Variants in GRM7 observed in about 807,000 individuals in gnomAD.
The protein encoded by GRM7 is glutamate metabotropic receptor 7.
A neutral mutation model predicts 84.5 loss-of-function variants in GRM7; 35 were observed. That is an observed-to-expected ratio of 0.41 (90% CI 0.32 to 0.55). GRM7 has a LOEUF of 0.55. Ranked by LOEUF, GRM7 falls within the 20% of genes least tolerant of loss-of-function variation. The pLI is 0.19. For missense variants in GRM7, 1,003 were observed against 1,194.6 expected, an observed-to-expected ratio of 0.84 and a Z score of 2.36; for synonymous variants, 487 against 455.1, an observed-to-expected ratio of 1.07 and a Z score of -0.89.
At position 6,862,728 on chromosome 3, in the gene GRM7, C is replaced by CCA. The variant is rs886427798; in HGVS notation, c.519+822_519+823insAC. ...CTCCCTGCCTCCTCCCTCCTCCCCCCCGCCCCCCTCACCCACTATCTCCCT... is the reference window on the plus strand; with the variant it reads ...CTCCCTGCCTCCTCCCTCCTCCCCCCCACGCCCCCCTCACCCACTATCTCCCT... On this transcript the variant is annotated intron_variant, in intron 1 of 9. Coordinates refer to ENST00000357716, the MANE Select transcript of GRM7 (RefSeq NM_000844.4). This position sits in a 1 kb window ranked among gnomAD's most constrained non-coding sequence, Gnocchi z 5.2. 5 of 174,040 alleles carry CCA rather than the reference C, an allele frequency of 2.9e-5. No individual in the cohort carries two copies. The highest frequency in any genetic ancestry group is 2.6e-4 in the African/African-American group (5 of 19,266). 10.8% of individuals were successfully genotyped at this position (174,040 alleles called of 1,614,324 possible).
At chr3:7,653,968 C>T (rs1378045667) in intron 8 of GRM7, among the ~76,000 whole-genome samples, 1 of 152,124 alleles carries the variant, frequency 6.6e-6, no homozygotes, top group Non-Finnish European at 1.5e-5. Flanking sequence ...CTCCCTTGCC[C>T]CCTTCCTTAA....
At chr3:7,606,475 A>C (rs1696576811) in intron 8 of GRM7, among the ~76,000 whole-genome samples, 1 of 152,166 alleles carries the variant, frequency 6.6e-6, no homozygotes, top group Admixed American at 6.5e-5. Context: ...TAAGCATAGA[A>C]AGTCATACAA....
At chr3:7,708,283 A>G (rs948950275) in intron 9 of GRM7, among the ~76,000 whole-genome samples, 3 of 152,120 alleles carry the variant, frequency 2.0e-5, no homozygotes, top group Non-Finnish European at 4.4e-5. Context: ...CCTTAAAAAT[A>G]TGAGTTGATG....
intron 2 of GRM7, among the ~76,000 whole-genome samples, chr3:7,178,214 T>C (rs1421354375): frequency 6.6e-6 from 1 of 152,236 alleles, no homozygotes; most frequent in Non-Finnish European, 1.5e-5. Context: ...ATGCATTAAT[T>C]AAATTACTCT....
intron 1 of GRM7, among the ~76,000 whole-genome samples, chr3:6,976,948 G>A (rs1047906464): frequency 6.6e-6 from 1 of 152,068 alleles, no homozygotes; most frequent in South Asian, 2.1e-4. Flanking sequence ...AAATAATCTG[G>A]TCCCTAGAAT....
intron 9 of GRM7, among the ~76,000 whole-genome samples, chr3:7,707,501 C>G (rs999289564): frequency 6.6e-6 from 1 of 152,158 alleles, no homozygotes; most frequent in Admixed American, 6.6e-5. Context: ...GAGGCCGCCA[C>G]TTGAATAATG....
At chr3:7,311,956 C>T (rs1403368491) in intron 4 of GRM7, among the ~76,000 whole-genome samples, 1 of 152,188 alleles carries the variant, frequency 6.6e-6, no homozygotes, top group East Asian at 1.9e-4. Flanking sequence ...TTCACATACA[C>T]TACTCACAAA....
At chr3:7,359,764 T>C (rs921565050) in intron 4 of GRM7, among the ~76,000 whole-genome samples, 6 of 148,552 alleles carry the variant, frequency 4.0e-5, no homozygotes, top group Non-Finnish European at 8.9e-5. Flanking sequence ...TGGCACATGA[T>C]AGGTGTGCAG....
At position 7,400,848 on chromosome 3, in the gene GRM7, G is replaced by A. The variant is rs140482023; in HGVS notation, c.1034-14175G>A. On this transcript the variant is annotated intron_variant, in intron 4 of 9. Coordinates refer to ENST00000357716, the MANE Select transcript of GRM7 (RefSeq NM_000844.4). The stretch of plus-strand genomic sequence containing the variant: ...AGCCTTTGGGCAAATTACTTATTCT[G>A]TATGAGTTTCAGTGTGCACATTCAC... Among the ~76,000 whole-genome samples, 3 of 152,214 alleles carry A rather than the reference G, an allele frequency of 2.0e-5. No individual in the cohort carries two copies. The East Asian group carries it at 5.8e-4, about 29-fold the overall frequency.
chr3:7,407,730 G>C (rs972822233), intron 4 of GRM7, among the ~76,000 whole-genome samples: 1 of 152,230 alleles, frequency 6.6e-6, no homozygotes, highest in African/African-American at 2.4e-5. Context: ...TGGCAGAAAT[G>C]TAAGTGATAG....
At chr3:7,258,026 TA>T (rs1342133102) in intron 2 of GRM7, among the ~76,000 whole-genome samples, 2 of 152,154 alleles carry the variant, frequency 1.3e-5, no homozygotes, top group African/African-American at 4.8e-5. Flanking sequence ...ACCCCAACTC[TA>T]AAAGTGAGGT....
At chr3:7,221,839 C>T (rs1365636538) in intron 2 of GRM7, among the ~76,000 whole-genome samples, 1 of 117,082 alleles carries the variant, frequency 8.5e-6, no homozygotes, top group East Asian at 2.8e-4. Context: ...TGGAGTCTTA[C>T]TCTGTCGCCA....
At chr3:7,325,954 G>T (rs978212091) in intron 4 of GRM7, among the ~76,000 whole-genome samples, 2 of 152,012 alleles carry the variant, frequency 1.3e-5, no homozygotes, top group Non-Finnish European at 2.9e-5. Flanking sequence ...CTGAATGTGT[G>T]TTTCATCGTA....
intron 7 of GRM7, among the ~76,000 whole-genome samples, chr3:7,550,413 T>TCTCC (rs372182578): frequency 0.036 from 5,036 of 138,742 alleles, 409 homozygotes; most frequent in African/African-American, 0.13. Context: ...TTTCTCTCTC[T>TCTCC]CTCCCTCCCT....
intron 8 of GRM7, among the ~76,000 whole-genome samples, chr3:7,628,194 C>G (rs778613123): frequency 1.3e-5 from 2 of 152,136 alleles, no homozygotes; most frequent in Non-Finnish European, 2.9e-5. Context: ...ATGGGTAGCA[C>G]ACACTTTAAT....
intron 8 of GRM7, among the ~76,000 whole-genome samples, chr3:7,596,029 C>T (rs1037630038): frequency 1.3e-5 from 2 of 152,158 alleles, no homozygotes; most frequent in Non-Finnish European, 2.9e-5. Flanking sequence ...AGCCAGGGCA[C>T]TGTTCACTGT....
At chr3:7,310,202 T>C (rs962514708) in intron 4 of GRM7, among the ~76,000 whole-genome samples, 1 of 152,166 alleles carries the variant, frequency 6.6e-6, no homozygotes, top group East Asian at 1.9e-4. Flanking sequence ...AGGAAGCTAG[T>C]ATAATGAAGG....
chr3:7,626,131 A>G (rs1697595853), intron 8 of GRM7, among the ~76,000 whole-genome samples: 4 of 152,108 alleles, frequency 2.6e-5, no homozygotes, highest in Admixed American at 2.6e-4. Flanking sequence ...ACAGAATATC[A>G]GGAACTGGTT....
At chr3:6,948,054 CT>C (rs1171223643) in intron 1 of GRM7, among the ~76,000 whole-genome samples, 9 of 152,124 alleles carry the variant, frequency 5.9e-5, no homozygotes, top group African/African-American at 1.9e-4. Context: ...TCTCTATTTC[CT>C]TCAGTTCTGC....
Sources: allele counts gnomAD v4.1 joint callset (sites outside exome capture counted in the v4.1 genomes callset), GRCh38; gene constraint gnomAD v4.1.1; non-coding constraint Gnocchi (gnomAD v3.1); transcripts MANE v1.5; gene names NCBI Gene and HGNC (gene_info 2026-07-23, HGNC 2026-07-21).